Variants in SKIL observed in about 807,000 individuals in gnomAD.
SKIL encodes the protein SKI like proto-oncogene.
SKIL carries 20 observed loss-of-function variants against 69.6 expected under a neutral mutation model. That is an observed-to-expected ratio of 0.29 (90% CI 0.20 to 0.42). SKIL has a LOEUF of 0.42. Ranked by LOEUF, SKIL falls within the 10% of genes least tolerant of loss-of-function variation. SKIL has a pLI of 1.00. For missense variants in SKIL, 745 were observed against 783.1 expected, an observed-to-expected ratio of 0.95 and a Z score of 0.58; for synonymous variants, 310 against 279.9, an observed-to-expected ratio of 1.11 and a Z score of -1.08.
chr3:170,373,316 G>A (rs923389515), intron 2 of SKIL, among the ~76,000 whole-genome samples: 13 of 152,142 alleles, frequency 8.5e-5, no homozygotes, highest in African/African-American at 3.1e-4. Context: ...ACAGGCATGA[G>A]CCACCGTGCC....
intron 2 of SKIL, among the ~76,000 whole-genome samples, chr3:170,371,671 G>A (rs1197801970): frequency 6.6e-6 from 1 of 152,198 alleles, no homozygotes; most frequent in African/African-American, 2.4e-5. Flanking sequence ...TACAGAAAAT[G>A]AATTGAGTGC....
At position 170,390,286 on chromosome 3, in the gene SKIL, T is replaced by G; in HGVS notation, c.1493T>G (p.Val498Gly). The change falls in exon 5 of 7, where the codon GTC becomes GGC. Residue 498 changes from valine to glycine, a missense_variant. By Grantham distance (109) the Val-to-Gly change is moderately radical. Coordinates refer to ENST00000259119, the MANE Select transcript of SKIL (RefSeq NM_005414.5). ...TCTGAGTCTGCCACTTGCAACTTAG[T>G]CAGAGACATAAACAAAGTGGGAATT... is the stretch of plus-strand genomic sequence containing the variant. ...RKSESATCNLVRDINKVGIGL... is the reference protein window; with the variant it reads ...RKSESATCNLGRDINKVGIGL... The G allele has an allele frequency of 1.2e-6, 2 of 1,613,454 alleles. No individual in the cohort carries two copies. Among genetic ancestry groups the G allele is most frequent in the Non-Finnish European group, 1.7e-6 (2 of 1,179,336 alleles).
intron 4 of SKIL, 148 bp downstream of exon 4, chr3:170,384,913 A>T: frequency 1.8e-6 from 1 of 553,464 alleles, no homozygotes; most frequent in East Asian, 3.0e-5. Context: ...ACTCTGGGTG[A>T]TTTATTTTAA....
intron 2 of SKIL, among the ~76,000 whole-genome samples, chr3:170,366,737 ATGT>A (rs1320265769): frequency 3.5e-5 from 5 of 141,514 alleles, no homozygotes; most frequent in South Asian, 2.3e-4. Context: ...AGATCTGCCT[ATGT>A]TGTTCTACAG....
chr3:170,377,087 C>G (rs373263871), intron 2 of SKIL, among the ~76,000 whole-genome samples: 4 of 152,142 alleles, frequency 2.6e-5, no homozygotes, highest in African/African-American at 9.7e-5. Flanking sequence ...TTTAGTATTT[C>G]TGTTGCCAGA....
At position 170,394,811 on chromosome 3, in the gene SKIL, ATAG is replaced by A. The variant is rs1275492924; in HGVS notation, c.*2395_*2397del. ...TAAAAGTAACTTTAAACTGCAACAC[ATAG>A]CTTCAAAACAATATAGAGATTTTGT... On this transcript the variant is annotated 3_prime_UTR_variant, in exon 7 of 7. Transcript: ENST00000259119. The A allele has an allele frequency of 6.6e-6, 1 of 152,186 alleles. No homozygotes were observed. The allele number at this position is 152,186 out of a possible 1,614,324, so 9.4% of individuals were successfully genotyped here.
At chr3:170,371,112 C>T (rs1736782598) in intron 2 of SKIL, among the ~76,000 whole-genome samples, 2 of 152,142 alleles carry the variant, frequency 1.3e-5, no homozygotes, top group South Asian at 4.1e-4. Context: ...CTCATAATTG[C>T]ACCATGTGAT....
At chr3:170,384,950 G>GGT in intron 4 of SKIL, 185 bp downstream of exon 4, 1 of 476,180 alleles carries the variant, frequency 2.1e-6, no homozygotes, top group Non-Finnish European at 3.7e-6. Flanking sequence ...TTTCTAGCGT[G>GGT]GTGATAGCTC....
At chr3:170,376,891 CTTAAACA>C (rs1560214185) in intron 2 of SKIL, among the ~76,000 whole-genome samples, 1 of 152,134 alleles carries the variant, frequency 6.6e-6, no homozygotes, top group African/African-American at 2.4e-5. Context: ...ACTCAAGATT[CTTAAACA>C]TTAATTACCA....
Position 170,394,814 on chromosome 3 carries a change from G to T in SKIL, c.*2397G>T, listed in dbSNP as rs1312131850. On this transcript the variant is annotated 3_prime_UTR_variant, in exon 7 of 7. Transcript: ENST00000259119. ...AAGTAACTTTAAACTGCAACACATA[G>T]CTTCAAAACAATATAGAGATTTTGT... The T allele has an allele frequency of 6.6e-6, 1 of 152,086 alleles. No individual in the cohort carries two copies. Among genetic ancestry groups the T allele is most frequent in the Admixed American group, 6.6e-5 (1 of 15,258 alleles). The allele number at this position is 152,086 out of a possible 1,614,324, so 9.4% of individuals were successfully genotyped here. A position where few individuals can be genotyped will look rare whatever the true frequency, so the allele number is the denominator to read the frequency against.
Position 170,393,977 on chromosome 3 carries a change from A to G in SKIL, c.*1560A>G, listed in dbSNP as rs1271170914. The G allele has an allele frequency of 2.6e-5, 4 of 152,198 alleles. No individual in the cohort carries two copies. The highest frequency in any genetic ancestry group is 4.1e-4 in the South Asian group (2 of 4,826). The allele number at this position is 152,198 out of a possible 1,614,324, so 9.4% of individuals were successfully genotyped here. On this transcript the variant is annotated 3_prime_UTR_variant, in exon 7 of 7. Transcript: ENST00000259119. ...TTTTGTACTTCCCCAAATGTAATTT[A>G]TTTACTAAATTGAGTATAACCTAAA...
intron 5 of SKIL, 21 bp downstream of exon 5, chr3:170,390,485 A>G (rs772409851): frequency 6.9e-6 from 11 of 1,590,350 alleles, no homozygotes; most frequent in Non-Finnish European, 9.5e-6. Context: ...TATCTAAATG[A>G]TAGTCCATTA....
chr3:170,357,837 C>G (rs926469229), intron 1 of SKIL, 74 bp downstream of exon 1: 1 of 153,324 alleles, frequency 6.5e-6, no homozygotes, highest in East Asian at 1.9e-4. Flanking sequence ...CCTAGGAGCC[C>G]GACGGCGGCG....
chr3:170,388,427 C>T (rs1737755621), intron 4 of SKIL, among the ~76,000 whole-genome samples: 1 of 151,878 alleles, frequency 6.6e-6, no homozygotes, highest in African/African-American at 2.4e-5. Context: ...ATTTACCATA[C>T]TGTTTTCTTT....
At position 170,384,724 on chromosome 3, in the gene SKIL, A is replaced by G; in HGVS notation, c.1388A>G (p.Lys463Arg). ...YPDVSLEEQE[K>R]MDLKTSRELC... ...GATGTCTCACTTGAGGAACAGGAGA[A>G]AATGGATTTAAAAACAAGTAGAGAA... is the stretch of plus-strand genomic sequence containing the variant. The change falls in exon 4 of 7, where the codon AAA becomes AGA. Residue 463 changes from lysine (K) to arginine (R), a missense_variant. Physicochemically the swap from Lys to Arg is conservative, Grantham distance 26 (BLOSUM62 2). Transcript: ENST00000259119. The G allele has an allele frequency of 1.2e-6, 2 of 1,607,918 alleles. No individual in the cohort carries two copies. The highest frequency in any genetic ancestry group is 1.1e-5 in the South Asian group (1 of 90,308).
intron 2 of SKIL, among the ~76,000 whole-genome samples, chr3:170,369,107 G>C (rs1290426560): frequency 1.1e-5 from 1 of 91,180 alleles, no homozygotes; most frequent in Admixed American, 1.1e-4. Flanking sequence ...TTTTTTTTTT[G>C]AAATCTGTAG....
chr3:170,364,709 A>G (rs1175495866), intron 2 of SKIL, among the ~76,000 whole-genome samples: 1 of 152,046 alleles, frequency 6.6e-6, no homozygotes, highest in Non-Finnish European at 1.5e-5. Flanking sequence ...TGTGAAAAAC[A>G]TCTGAGAACC....
At chr3:170,373,595 G>A (rs1736887190) in intron 2 of SKIL, among the ~76,000 whole-genome samples, 1 of 152,146 alleles carries the variant, frequency 6.6e-6, no homozygotes, top group Admixed American at 6.5e-5. Context: ...TTTGTCATTA[G>A]GACTTAATTA....
At position 170,360,775 on chromosome 3, in the gene SKIL, G is replaced by T; in HGVS notation, c.444G>T (p.Val148=). 6.2e-7 allele frequency: 1 copy of T among 1,614,224 alleles called. No homozygotes were observed. The highest frequency in any genetic ancestry group is 8.5e-7 in the Non-Finnish European group (1 of 1,180,040). ...SDSSTELTQT[V]LEGESISCFQ... Reference sequence around the variant, plus strand: ...GCTCCACAGAACTCACTCAGACTGTGTTGGAAGGGGAATCTATTTCTTGTT... The same window carrying T: ...GCTCCACAGAACTCACTCAGACTGTTTTGGAAGGGGAATCTATTTCTTGTT... Residue 148 remains valine, a synonymous_variant, in exon 2 of 7, where the codon GTG becomes GTT. Transcript: ENST00000259119.
Sources: gnomAD v4.1 joint callset for allele counts (sites outside exome capture counted in the v4.1 genomes callset) on GRCh38, gnomAD v4.1.1 for gene constraint, MANE v1.5 for transcripts, NCBI Gene and HGNC (gene_info 2026-07-23, HGNC 2026-07-21) for gene names.